The following ZFHX3 variants were observed in gnomAD, a reference collection of about 807,000 sequenced individuals.
ZFHX3 encodes the protein zinc finger homeobox 3.
A neutral mutation model predicts 279.1 loss-of-function variants in ZFHX3; 42 were observed. The observed-to-expected ratio is 0.15, with a 90% confidence interval of 0.12 to 0.19. The LOEUF is 0.19. ZFHX3 is among the 10% of genes least tolerant of loss of function. The pLI, the probability that ZFHX3 is intolerant of heterozygous loss-of-function variation, is 1.00. For missense variants in ZFHX3, 4,981 were observed against 4,754.0 expected (o/e 1.05, Z -1.40); for synonymous variants, 2,293 against 1,957.8 (o/e 1.17, Z -4.52).
intron 1 of ZFHX3, among the ~76,000 whole-genome samples, chr16:73,879,890 G>C (rs2030087279): frequency 1.3e-5 from 2 of 152,060 alleles, no homozygotes; most frequent in African/African-American, 2.4e-5. Context: ...GTCCCCTGGG[G>C]AAGGAGGGGG....
intron 4 of ZFHX3, among the ~76,000 whole-genome samples, chr16:72,864,223 A>G (rs2037959166): frequency 6.6e-6 from 1 of 151,886 alleles, no homozygotes; most frequent in Admixed American, 6.6e-5. Flanking sequence ...TGACCCTTAT[A>G]TTTTTTTCTT....
chr16:73,496,007 C>G (rs370406070), intron 2 of ZFHX3, among the ~76,000 whole-genome samples: 1 of 152,166 alleles, frequency 6.6e-6, no homozygotes, highest in African/African-American at 2.4e-5. Flanking sequence ...AAATATGATG[C>G]TAGACAGAAA....
intron 5 of ZFHX3, among the ~76,000 whole-genome samples, chr16:73,226,010 C>T: frequency 1.3e-5 from 2 of 152,162 alleles, no homozygotes; most frequent in Non-Finnish European, 2.9e-5. Flanking sequence ...GTGTTTGCCC[C>T]CAAGCCTCTT....
At chr16:72,970,907 G>T (rs1425645570) in intron 1 of ZFHX3, among the ~76,000 whole-genome samples, 1 of 152,174 alleles carries the variant, frequency 6.6e-6, no homozygotes, top group Non-Finnish European at 1.5e-5. Flanking sequence ...GTTAAATCAT[G>T]TCTTATGATT....
chr16:73,052,182 G>A (rs1044064271), upstream of ZFHX3, among the ~76,000 whole-genome samples: 1 of 151,286 alleles, frequency 6.6e-6, no homozygotes, highest in East Asian at 1.9e-4. Context: ...AGAAATGGGC[G>A]ATGGGATACT....
intron 4 of ZFHX3, among the ~76,000 whole-genome samples, chr16:73,312,693 A>G (rs866884464): frequency 2.6e-5 from 4 of 152,196 alleles, no homozygotes; most frequent in Non-Finnish European, 2.9e-5. Context: ...CCACCTTGCA[A>G]GAAAGGCACA....
intron 4 of ZFHX3, among the ~76,000 whole-genome samples, chr16:73,264,972 GTA>G (rs1172056126): frequency 6.7e-6 from 1 of 149,476 alleles, no homozygotes; most frequent in Non-Finnish European, 1.5e-5. Flanking sequence ...GTATATATGT[GTA>G]TATATATGTG....
intron 2 of ZFHX3, among the ~76,000 whole-genome samples, chr16:73,606,548 G>A (rs1159527903): frequency 3.3e-5 from 5 of 151,334 alleles, no homozygotes; most frequent in African/African-American, 4.8e-5. Flanking sequence ...TGGAACCCCA[G>A]CTCAGTGTCA....
chr16:73,289,802 C>T (rs897185600), intron 4 of ZFHX3, among the ~76,000 whole-genome samples: 1 of 152,094 alleles, frequency 6.6e-6, no homozygotes, highest in Non-Finnish European at 1.5e-5. Flanking sequence ...AATGTGGCTA[C>T]AAACCAGGAA....
chr16:73,592,534 A>G (rs1403625683), intron 2 of ZFHX3, among the ~76,000 whole-genome samples: 1 of 152,192 alleles, frequency 6.6e-6, no homozygotes, highest in Non-Finnish European at 1.5e-5. Flanking sequence ...TTAGAGATAT[A>G]TACTAAAATA....
chr16:72,811,494 A>G (rs1456303065), intron 7 of ZFHX3, 83 bp downstream of exon 7: 3 of 1,339,924 alleles, frequency 2.2e-6, no homozygotes, highest in Non-Finnish European at 3.0e-6. Context: ...TTTCTCGTCC[A>G]ATAATACAGT....
intron 1 of ZFHX3, among the ~76,000 whole-genome samples, chr16:73,877,204 G>C (rs1430691484): frequency 5.0e-5 from 7 of 139,642 alleles, no homozygotes; most frequent in Admixed American, 1.4e-4. Flanking sequence ...GGTTAGGTCG[G>C]GGGGGGGTCC....
intron 3 of ZFHX3, among the ~76,000 whole-genome samples, chr16:73,325,904 C>CACACACACACACACACACACAA (rs2015672459): frequency 7.2e-5 from 7 of 97,380 alleles, no homozygotes; most frequent in African/African-American, 2.5e-4. Context: ...CACACACAAA[C>CACACACACACACACACACACAA]ACACACACAC....
chr16:73,157,465 T>TTAAAAAAAAAAAAA (rs1346539597), intron 5 of ZFHX3, among the ~76,000 whole-genome samples: 1 of 76,522 alleles, frequency 1.3e-5, no homozygotes. Flanking sequence ...GAATGTTTGG[T>TTAAAAAAAAAAAAA]AAAAAAAAAA....
At chr16:73,021,973 T>G (rs1964315742) in intron 1 of ZFHX3, among the ~76,000 whole-genome samples, 1 of 151,990 alleles carries the variant, frequency 6.6e-6, no homozygotes, top group Admixed American at 6.6e-5. Flanking sequence ...GGAATGAGTC[T>G]TTACTCAAAT....
intron 3 of ZFHX3, among the ~76,000 whole-genome samples, chr16:73,396,020 C>T (rs2143413659): frequency 6.6e-6 from 1 of 152,304 alleles, no homozygotes; most frequent in Non-Finnish European, 1.5e-5. Flanking sequence ...TTTGTTATTC[C>T]ATAATCATCA....
chr16:73,313,545 G>A (rs190590975), intron 4 of ZFHX3, among the ~76,000 whole-genome samples: 1 of 152,262 alleles, frequency 6.6e-6, no homozygotes, highest in East Asian at 1.9e-4. Flanking sequence ...TAGACTCGAG[G>A]AGGTTGAAGA....
At chr16:72,872,817 TGGTGGGG>T (rs2038196551) in intron 4 of ZFHX3, among the ~76,000 whole-genome samples, 1 of 152,086 alleles carries the variant, frequency 6.6e-6, no homozygotes, top group East Asian at 1.9e-4. Flanking sequence ...TTTCAAAAGA[TGGTGGGG>T]GGTGGGGGAT....
chr16:73,106,481 G>A (rs1358610500), intron 7 of ZFHX3, among the ~76,000 whole-genome samples: 1 of 152,052 alleles, frequency 6.6e-6, no homozygotes, highest in African/African-American at 2.4e-5. Context: ...AGGCTACAAA[G>A]GGCCAAGCAG....
Sources: gnomAD v4.1 joint callset for allele counts (sites outside exome capture counted in the v4.1 genomes callset) on GRCh38, gnomAD v4.1.1 for gene constraint, MANE v1.5 for transcripts, NCBI Gene and HGNC (gene_info 2026-07-23, HGNC 2026-07-21) for gene names.